GSG1L: variants seen among roughly 807,000 people sequenced by gnomAD.
GSG1L encodes the protein GSG1 like.
In GSG1L, 24 loss-of-function variants were observed where a neutral mutation model predicts 42.1. The ratio of observed to expected loss-of-function variants is 0.57; its 90% CI spans 0.41 to 0.80. GSG1L has a LOEUF of 0.80. Ranked by LOEUF, GSG1L falls within the 30% of genes least tolerant of loss-of-function variation. The pLI is 0.00. For synonymous variants in GSG1L, 215 were observed against 203.5 expected, an observed-to-expected ratio of 1.06 and a Z score of -0.48; for missense variants, 445 against 472.2, an observed-to-expected ratio of 0.94 and a Z score of 0.53.
At chr16:27,868,752 C>T (rs539719310) in intron 3 of GSG1L, among the ~76,000 whole-genome samples, 1 of 152,274 alleles carries the variant, frequency 6.6e-6, no homozygotes, top group South Asian at 2.1e-4. Flanking sequence ...TAGGCTGGAG[C>T]TGGGGCGTTT....
At chr16:27,803,800 G>GATATATAGATATAGAT (rs1406574562) in intron 6 of GSG1L, among the ~76,000 whole-genome samples, 2 of 74,244 alleles carry the variant, frequency 2.7e-5, no homozygotes, top group African/African-American at 1.0e-4. Flanking sequence ...TATATAGATA[G>GATATATAGATATAGAT]ATAGATATAG....
At chr16:27,888,401 C>CCTCTTTCT (rs1555506318) in intron 2 of GSG1L, among the ~76,000 whole-genome samples, 13 of 122,568 alleles carry the variant, frequency 1.1e-4, no homozygotes, top group African/African-American at 3.3e-4. Flanking sequence ...TTCTTTTCTC[C>CCTCTTTCT]TTCTTTCTTT....
At chr16:27,806,848 G>T (rs2082969285) in intron 6 of GSG1L, among the ~76,000 whole-genome samples, 3 of 152,206 alleles carry the variant, frequency 2.0e-5, no homozygotes, top group Admixed American at 2.0e-4. Flanking sequence ...AACAATCCCA[G>T]CTGTAGGGAC....
intron 1 of GSG1L, among the ~76,000 whole-genome samples, chr16:28,007,601 C>A (rs573077122): frequency 6.6e-6 from 1 of 152,108 alleles, no homozygotes; most frequent in African/African-American, 2.4e-5. Context: ...CCACCTCAAT[C>A]CCCCAGGCTC....
At chr16:27,995,009 C>T (rs994539483) in intron 1 of GSG1L, among the ~76,000 whole-genome samples, 1 of 152,164 alleles carries the variant, frequency 6.6e-6, no homozygotes, top group Admixed American at 6.5e-5. Context: ...CTGAAATTGG[C>T]AGCCAAAGTT....
At chr16:27,887,174 T>C (rs2084041051) in intron 2 of GSG1L, among the ~76,000 whole-genome samples, 1 of 152,144 alleles carries the variant, frequency 6.6e-6, no homozygotes. Flanking sequence ...CCGGCTGGTC[T>C]CAAACTCCTA....
chr16:27,892,389 G>T (rs1271888711), intron 2 of GSG1L, among the ~76,000 whole-genome samples: 1 of 152,014 alleles, frequency 6.6e-6, no homozygotes, highest in East Asian at 1.9e-4. Flanking sequence ...CCAGGAGGTT[G>T]CGGCTGCAAT....
chr16:27,850,579 A>G (rs1443609369), intron 3 of GSG1L: 1 of 455,800 alleles, frequency 2.2e-6, no homozygotes, highest in East Asian at 6.9e-5. Flanking sequence ...AAGCTGAGGC[A>G]GAGTGGCCAG....
intron 5 of GSG1L, among the ~76,000 whole-genome samples, chr16:27,824,719 G>T (rs2083189568): frequency 6.6e-6 from 1 of 152,224 alleles, no homozygotes; most frequent in South Asian, 2.1e-4. Context: ...GGGCTGAGCT[G>T]TTAGGAGCCA....
intron 1 of GSG1L, among the ~76,000 whole-genome samples, chr16:28,053,126 G>A (rs997679935): frequency 2.6e-5 from 4 of 152,188 alleles, no homozygotes; most frequent in African/African-American, 9.6e-5. Context: ...CCAGGGTGGA[G>A]AGAGGCCCAG....
chr16:27,946,656 A>AG (rs1555509901), intron 2 of GSG1L, among the ~76,000 whole-genome samples: 1 of 27,394 alleles, frequency 3.7e-5, no homozygotes, highest in Non-Finnish European at 6.6e-5. Flanking sequence ...AGAAAGAAAG[A>AG]AAAGAAAGAA....
chr16:27,879,963 C>G (rs2083933117), intron 3 of GSG1L, among the ~76,000 whole-genome samples: 1 of 93,400 alleles, frequency 1.1e-5, no homozygotes, highest in African/African-American at 3.2e-5. Flanking sequence ...AGAGAAAGGG[C>G]TGCCCCAGTC....
intron 1 of GSG1L, among the ~76,000 whole-genome samples, chr16:27,973,849 C>T (rs1037029204): frequency 1.3e-5 from 2 of 152,116 alleles, no homozygotes; most frequent in African/African-American, 4.8e-5. Flanking sequence ...ACTCAGTGGG[C>T]GGCAGTCCAG....
intron 1 of GSG1L, among the ~76,000 whole-genome samples, chr16:27,996,896 A>T (rs1329279618): frequency 6.6e-6 from 1 of 151,570 alleles, no homozygotes; most frequent in Non-Finnish European, 1.5e-5. Context: ...GAGTAGCTGG[A>T]ATTACAGGCA....
intron 1 of GSG1L, among the ~76,000 whole-genome samples, chr16:28,030,782 ATGGG>A (rs2085950310): frequency 3.1e-5 from 4 of 128,650 alleles, no homozygotes; most frequent in East Asian, 5.5e-4. Context: ...ATGGGATGGG[ATGGG>A]ATGGGATGGG....
At chr16:27,812,145 TC>T (rs1220767470) in intron 5 of GSG1L, among the ~76,000 whole-genome samples, 2 of 152,132 alleles carry the variant, frequency 1.3e-5, no homozygotes, top group East Asian at 1.9e-4. Context: ...CCCAGAGACC[TC>T]CACTCAACAG....
chr16:27,948,273 C>T (rs972763097), intron 2 of GSG1L, among the ~76,000 whole-genome samples: 2 of 152,208 alleles, frequency 1.3e-5, no homozygotes, highest in Non-Finnish European at 2.9e-5. Context: ...CCATCCATAA[C>T]CTAGTGTAAC....
At chr16:27,915,216 C>CACAT (rs1163695497) in intron 2 of GSG1L, among the ~76,000 whole-genome samples, 1 of 150,468 alleles carries the variant, frequency 6.6e-6, no homozygotes, top group African/African-American at 2.4e-5. Context: ...CACACACACA[C>CACAT]ACACACACAC....
chr16:27,902,741 A>C (rs2084275744), intron 2 of GSG1L, among the ~76,000 whole-genome samples: 1 of 152,126 alleles, frequency 6.6e-6, no homozygotes, highest in Admixed American at 6.5e-5. Context: ...GCGTTATTTA[A>C]ATCTGGCTGG....
Sources: allele counts gnomAD v4.1 joint callset (sites outside exome capture counted in the v4.1 genomes callset), GRCh38; gene constraint gnomAD v4.1.1; transcripts MANE v1.5; gene names NCBI Gene and HGNC (gene_info 2026-07-23, HGNC 2026-07-21).